Variants in ZFHX3 observed in about 807,000 individuals in gnomAD.
ZFHX3 encodes zinc finger homeobox protein 3.
A neutral mutation model predicts 279.1 loss-of-function variants in ZFHX3; 42 were observed. The observed-to-expected ratio is 0.15, with a 90% CI of 0.12 to 0.19. The LOEUF is 0.19. Ranked by LOEUF, ZFHX3 falls within the 10% of genes least tolerant of loss-of-function variation. The pLI is 1.00. For missense variants in ZFHX3, 4,981 were observed against 4,754.0 expected (o/e 1.05, Z -1.40); for synonymous variants, 2,293 against 1,957.8 (o/e 1.17, Z -4.52).
chr16:73,308,363 C>T (rs1283749237), intron 4 of ZFHX3, among the ~76,000 whole-genome samples: 1 of 151,056 alleles, frequency 6.6e-6, no homozygotes, highest in Non-Finnish European at 1.5e-5. Context: ...CTGCCACTTC[C>T]ACCTCCTGGG....
chr16:73,521,629 G>A (rs1175586448), intron 2 of ZFHX3, among the ~76,000 whole-genome samples: 3 of 152,186 alleles, frequency 2.0e-5, no homozygotes, highest in Non-Finnish European at 2.9e-5. Flanking sequence ...TGTAGTGAAC[G>A]TAGAAAGGGG....
At chr16:73,821,349 C>T (rs547526373) in intron 1 of ZFHX3, among the ~76,000 whole-genome samples, 1 of 152,154 alleles carries the variant, frequency 6.6e-6, no homozygotes, top group Admixed American at 6.6e-5. Flanking sequence ...GATTAGGTAC[C>T]ATCTCTGATG....
chr16:72,798,660 C>T lies in ZFHX3; in HGVS notation c.4022G>A (p.Ser1341Asn). ...NILPSASTEQ[S>N]GDLKPSPADP... ...AGCAGGGGATGGTTTCAAATCTCCGCTTTGCTCTGTGCTTGCGGATGGCAA... is the reference window on the plus strand; with the variant it reads ...AGCAGGGGATGGTTTCAAATCTCCGTTTTGCTCTGTGCTTGCGGATGGCAA... The change falls in exon 9 of 10, where the codon AGC (serine) becomes AAC (asparagine). Residue 1341 changes from serine to asparagine, a missense_variant. Physicochemically the swap from Ser to Asn is conservative, Grantham distance 46 (BLOSUM62 1). Coordinates refer to ENST00000268489, the MANE Select transcript of ZFHX3 (RefSeq NM_006885.4). 6.2e-7 allele frequency: 1 copy of T among 1,611,752 alleles called. No individual in the cohort carries two copies. The highest frequency in any genetic ancestry group is 2.2e-5 in the East Asian group (1 of 44,832).
intron 1 of ZFHX3, among the ~76,000 whole-genome samples, chr16:72,964,668 TAAA>T (rs11314455): frequency 1.0e-4 from 15 of 143,074 alleles, no homozygotes; most frequent in African/African-American, 1.0e-4. Flanking sequence ...TTGGTCTATT[TAAA>T]AAAAAAAAAA....
intron 4 of ZFHX3, among the ~76,000 whole-genome samples, chr16:73,316,679 G>A (rs746758601): frequency 1.3e-5 from 2 of 152,092 alleles, no homozygotes; most frequent in Non-Finnish European, 2.9e-5. Flanking sequence ...GGTGACCTCA[G>A]CAAATTCTTG....
chr16:73,381,646 G>A (rs1051338437), intron 3 of ZFHX3, among the ~76,000 whole-genome samples: 5 of 152,186 alleles, frequency 3.3e-5, no homozygotes, highest in African/African-American at 1.2e-4. Flanking sequence ...GAGCCAGATA[G>A]TAAATATTTT....
At chr16:73,406,647 A>G (rs1174024931) in intron 3 of ZFHX3, among the ~76,000 whole-genome samples, 1 of 152,182 alleles carries the variant, frequency 6.6e-6, no homozygotes, top group Non-Finnish European at 1.5e-5. Flanking sequence ...ACCCATATGC[A>G]TCTGTAAAAT....
At chr16:73,710,064 T>A (rs2053343723) in intron 1 of ZFHX3, among the ~76,000 whole-genome samples, 1 of 152,162 alleles carries the variant, frequency 6.6e-6, no homozygotes, top group South Asian at 2.1e-4. Context: ...GCGCCTATAA[T>A]CCCAGCTACT....
chr16:73,244,890 G>A (rs962232027), intron 5 of ZFHX3, among the ~76,000 whole-genome samples: 1 of 152,206 alleles, frequency 6.6e-6, no homozygotes, highest in Non-Finnish European at 1.5e-5. Flanking sequence ...GAACACATGT[G>A]ACATCCCCTT....
chr16:73,217,631 A>T (rs1203592707), intron 5 of ZFHX3, among the ~76,000 whole-genome samples: 1 of 152,182 alleles, frequency 6.6e-6, no homozygotes, highest in Non-Finnish European at 1.5e-5. Flanking sequence ...CTAGGTTACA[A>T]TGTACCCTGG....
chr16:73,832,272 G>C (rs1193468379), intron 1 of ZFHX3, among the ~76,000 whole-genome samples: 1 of 151,922 alleles, frequency 6.6e-6, no homozygotes, highest in African/African-American at 2.4e-5. Context: ...AATCCACCAG[G>C]GCTCTGCTAT....
chr16:73,780,008 T>G (rs1959401932), intron 1 of ZFHX3, among the ~76,000 whole-genome samples: 1 of 151,076 alleles, frequency 6.6e-6, no homozygotes, highest in East Asian at 1.9e-4. Flanking sequence ...TTCTAAGACT[T>G]TTTTTTCTCT....
intron 1 of ZFHX3, among the ~76,000 whole-genome samples, chr16:73,004,834 A>G (rs565504077): frequency 3.1e-4 from 47 of 152,290 alleles, no homozygotes; most frequent in African/African-American, 1.1e-3. Context: ...CTATATTCAG[A>G]TCAATATTAA....
intron 4 of ZFHX3, among the ~76,000 whole-genome samples, chr16:73,278,027 C>T (rs2014348395): frequency 6.6e-6 from 1 of 152,118 alleles, no homozygotes; most frequent in African/African-American, 2.4e-5. Flanking sequence ...CCACCAGGCC[C>T]CACCTCCAAC....
chr16:73,695,616 A>T (rs1597070531), intron 1 of ZFHX3, among the ~76,000 whole-genome samples: 1 of 152,320 alleles, frequency 6.6e-6, no homozygotes, highest in African/African-American at 2.4e-5. Flanking sequence ...TTAGGCTCCA[A>T]ACCTAGTTCC....
intron 3 of ZFHX3, among the ~76,000 whole-genome samples, chr16:73,330,227 G>A (rs1254943193): frequency 1.3e-5 from 2 of 152,176 alleles, no homozygotes; most frequent in Admixed American, 1.3e-4. Context: ...AGGTGGCCCA[G>A]GTAGTAGCTA....
intron 5 of ZFHX3, among the ~76,000 whole-genome samples, chr16:73,144,106 C>G (rs1019408216): frequency 1.3e-4 from 20 of 152,202 alleles, no homozygotes; most frequent in Middle Eastern, 3.4e-3. Flanking sequence ...CTCAGGGCAG[C>G]CAACCTCAAG....
At chr16:73,265,732 A>G (rs1401721841) in intron 4 of ZFHX3, among the ~76,000 whole-genome samples, 1 of 152,210 alleles carries the variant, frequency 6.6e-6, no homozygotes, top group Non-Finnish European at 1.5e-5. Context: ...GATCACCTAC[A>G]TTAATAGAAG....
intron 2 of ZFHX3, among the ~76,000 whole-genome samples, chr16:73,578,446 G>T (rs2051824013): frequency 6.6e-6 from 1 of 151,660 alleles, no homozygotes; most frequent in Non-Finnish European, 1.5e-5. Flanking sequence ...TTTGAGCAAA[G>T]AAATTCAGTT....
Sources: allele counts gnomAD v4.1 joint callset (sites outside exome capture counted in the v4.1 genomes callset), GRCh38; gene constraint gnomAD v4.1.1; transcripts MANE v1.5; gene names NCBI Gene and HGNC (gene_info 2026-07-23, HGNC 2026-07-21).